TCHP: variants seen among roughly 807,000 people sequenced by gnomAD.
The protein encoded by TCHP is trichoplein keratin filament binding, also known as trichoplein keratin filament-binding protein.
Under a neutral mutation model 88.7 loss-of-function variants are expected in TCHP, and 81 were observed. That is an observed-to-expected ratio of 0.91 (90% CI 0.76 to 1.10). The LOEUF is 1.10. Among genes scored for constraint, TCHP ranks in the 50% least tolerant of loss-of-function variants. The pLI, the probability that TCHP is intolerant of heterozygous loss-of-function variation, is 0.00. For synonymous variants in TCHP, 232 were observed against 232.5 expected (o/e 1.00, Z 0.02); for missense variants, 641 against 632.1 (o/e 1.01, Z -0.15).
At chr12:109,888,669 A>G in the TCHP span, among the ~76,000 whole-genome samples, 4 of 152,194 alleles carry the variant, frequency 2.6e-5, no homozygotes, top group African/African-American at 4.8e-5. Flanking sequence ...ATTGCAGCAT[A>G]GTAATAATAA....
the TCHP span, among the ~76,000 whole-genome samples, chr12:109,893,566 C>T: frequency 6.6e-6 from 1 of 152,020 alleles, no homozygotes; most frequent in Non-Finnish European, 1.5e-5. Flanking sequence ...GTCCCATGAC[C>T]CATGACCAGG....
At chr12:109,891,104 A>C in the TCHP span, among the ~76,000 whole-genome samples, 2 of 152,236 alleles carry the variant, frequency 1.3e-5, no homozygotes. Context: ...AATACGGAAA[A>C]CAAAACAAAT....
chr12:109,884,301 G>C, the TCHP span, among the ~76,000 whole-genome samples: 1 of 151,838 alleles, frequency 6.6e-6, no homozygotes, highest in Non-Finnish European at 1.5e-5. Flanking sequence ...CCATTCTCCT[G>C]CCTCAGCCTC....
rs995750665 is a variant in TCHP at position 109,915,512 on chromosome 12, C to T, written c.1430C>T (p.Ala477Val). The change falls in exon 12 of 13, where the codon GCG becomes GTG. Residue 477 changes from alanine to valine, a missense_variant. Coordinates refer to ENST00000405876, the MANE Select transcript of TCHP (RefSeq NM_001143852.2). Reference protein sequence around the residue: ...QLSDALLQQEAETMAEQGYRP... With the variant: ...QLSDALLQQEVETMAEQGYRP... ...TCAGATGCCCTGCTGCAGCAGGAGG[C>T]GGAGACTATGGCTGAGCAGGGCTAC... 6.2e-6 allele frequency: 10 copies of T among 1,613,860 alleles called. No individual in the cohort carries two copies. Among genetic ancestry groups the T allele is most frequent in the Middle Eastern group, 3.3e-4 (2 of 6,056 alleles).
chr12:109,899,985 G>A (rs984930739), upstream of TCHP, among the ~76,000 whole-genome samples: 1 of 152,084 alleles, frequency 6.6e-6, no homozygotes, highest in Non-Finnish European at 1.5e-5. Flanking sequence ...TTTAGAGACA[G>A]GAGTCCCTCT....
At position 109,907,657 on chromosome 12, in the gene TCHP, A is replaced by G. The variant is rs1010514836; in HGVS notation, c.657A>G (p.Ala219=). The G allele has an allele frequency of 3.1e-6, 5 of 1,613,022 alleles. No individual in the cohort carries two copies. The Admixed American group carries it at 5.0e-5, about 16-fold the overall frequency. Residue 219 remains alanine, a synonymous_variant, in exon 6 of 13, where the codon GCA becomes GCG. Coordinates refer to ENST00000405876, the MANE Select transcript of TCHP (RefSeq NM_001143852.2). ...TGGAGGACAAGCTCCAGGCCGAGGC[A>G]CTGCTGCAACAGATGGAGGAGCTGA... ...RQLEDKLQAE[A]LLQQMEELKL... is the part of the protein sequence containing the mutation.
At chr12:109,913,204 T>A in intron 10 of TCHP, 132 bp downstream of exon 10, 2 of 773,246 alleles carry the variant, frequency 2.6e-6, no homozygotes, top group Admixed American at 2.6e-5. Flanking sequence ...GCTTTAAAAA[T>A]CATTGAAAAA....
chr12:109,908,455 G>T (rs1004216817), intron 6 of TCHP, 131 bp from the exon 7 acceptor site: 1 of 708,690 alleles, frequency 1.4e-6, no homozygotes, highest in Non-Finnish European at 2.4e-6. Context: ...TGGTGGGAGG[G>T]GATCGTGACC....
At chr12:109,907,055 A>G (rs1416203569) in intron 5 of TCHP, among the ~76,000 whole-genome samples, 2 of 151,996 alleles carry the variant, frequency 1.3e-5, no homozygotes, top group African/African-American at 4.8e-5. Flanking sequence ...GCGCCCAGCT[A>G]ATTTTTTAAT....
chr12:109,907,737 A>G (rs2136073940), intron 6 of TCHP, 38 bp downstream of exon 6: 1 of 1,557,160 alleles, frequency 6.4e-7, no homozygotes, highest in Non-Finnish European at 8.7e-7. Context: ...CCTCCTCCAC[A>G]GCTGCTCGTT....
chr12:109,907,450 A>G, intron 5 of TCHP, 76 bp from the exon 6 acceptor site: 2 of 1,491,792 alleles, frequency 1.3e-6, no homozygotes, highest in Non-Finnish European at 1.8e-6. Flanking sequence ...TGTGGCCTGC[A>G]GAACGGCGGC....
At chr12:109,896,942 A>T (rs1380626334), upstream of TCHP, among the ~76,000 whole-genome samples, 1 of 152,108 alleles carries the variant, frequency 6.6e-6, no homozygotes, top group Non-Finnish European at 1.5e-5. Flanking sequence ...ATAGATATAG[A>T]TATATAGATA....
chr12:109,907,408 A>C, intron 5 of TCHP, 118 bp from the exon 6 acceptor site: 5 of 1,047,280 alleles, frequency 4.8e-6, no homozygotes, highest in Non-Finnish European at 7.1e-6. Flanking sequence ...GGGCGTTGTC[A>C]TTTGGGATTC....
At chr12:109,908,840 T>C (rs755871306) in intron 7 of TCHP, 31 bp from the exon 8 acceptor site, 1 of 1,612,948 alleles carries the variant, frequency 6.2e-7, no homozygotes, top group South Asian at 1.1e-5. Context: ...TCTGAGATAC[T>C]GAAGGCAGCC....
upstream of TCHP, among the ~76,000 whole-genome samples, chr12:109,899,883 C>T (rs1489717329): frequency 1.3e-5 from 2 of 152,044 alleles, no homozygotes; most frequent in Non-Finnish European, 1.5e-5. Context: ...ACGGCAGCCT[C>T]GATCTCCTGG....
rs371188062 is a variant in TCHP, at chr12:109,916,338, C to G, written c.1465-253C>G. Among the ~76,000 whole-genome samples, 13 of 152,340 alleles carry G rather than the reference C, an allele frequency of 8.5e-5. No individual in the cohort carries two copies. In the South Asian group the frequency reaches 1.2e-3, roughly 15 times the overall value. Reference sequence around the variant, plus strand: ...CACAGGGAACAGCATTTCCTAAACCCACTTGGCCGTGGATCAGTGAGAGTG... The same window carrying G: ...CACAGGGAACAGCATTTCCTAAACCGACTTGGCCGTGGATCAGTGAGAGTG... On this transcript the variant is annotated intron_variant, in intron 12 of 12. Transcript: ENST00000405876.
chr12:109,906,823 G>A (rs1870158154), intron 5 of TCHP, among the ~76,000 whole-genome samples, 183 bp downstream of exon 5: 1 of 152,210 alleles, frequency 6.6e-6, no homozygotes, highest in Non-Finnish European at 1.5e-5. Flanking sequence ...AGAATCCTAT[G>A]TGATAATTCC....
chr12:109,882,922 G>C, the TCHP span, among the ~76,000 whole-genome samples: 1 of 151,970 alleles, frequency 6.6e-6, no homozygotes, highest in Non-Finnish European at 1.5e-5. Flanking sequence ...CTCCCAAAGT[G>C]CTGGGATTAC....
chr12:109,889,240 G>GAGGC, the TCHP span, among the ~76,000 whole-genome samples: 1 of 152,182 alleles, frequency 6.6e-6, no homozygotes, highest in South Asian at 2.1e-4. Flanking sequence ...TTGGGAGGCC[G>GAGGC]AGGCAGGCAG....
Sources: gnomAD v4.1 joint callset for allele counts (sites outside exome capture counted in the v4.1 genomes callset) on GRCh38, gnomAD v4.1.1 for gene constraint, MANE v1.5 for transcripts, NCBI Gene and HGNC (gene_info 2026-07-23, HGNC 2026-07-21) for gene names.